Variants in PLEKHG5 observed in about 807,000 individuals in gnomAD.
PLEKHG5 encodes pleckstrin homology and RhoGEF domain containing G5, also known as pleckstrin homology domain-containing family G member 5.
PLEKHG5 carries 52 observed loss-of-function variants against 103.8 expected under a neutral mutation model. That is an observed-to-expected ratio of 0.50 (90% CI 0.40 to 0.63). The LOEUF (loss-of-function observed/expected upper bound fraction) is 0.63, where lower values mean the gene tolerates loss of function less well. Ranked by LOEUF, PLEKHG5 falls within the 30% of genes least tolerant of loss-of-function variation. The pLI is 0.00. For synonymous variants in PLEKHG5, 592 were observed against 575.5 expected (o/e 1.03, Z -0.41); for missense variants, 1,205 against 1,347.6 (o/e 0.89, Z 1.66).
At chr1:6,508,589 C>T (rs939652955) in intron 1 of PLEKHG5, among the ~76,000 whole-genome samples, 5 of 152,228 alleles carry the variant, frequency 3.3e-5, no homozygotes, top group Admixed American at 2.0e-4. Context: ...GTAGACACAC[C>T]TGGGCCTTTT....
upstream of PLEKHG5, chr1:6,497,439 G>A (rs1289885018): frequency 1.4e-6 from 1 of 700,402 alleles, no homozygotes; most frequent in Non-Finnish European, 1.8e-6. This position sits in a 1 kb window ranked among gnomAD's most constrained non-coding sequence, Gnocchi z 6.1. Flanking sequence ...GGCGGGCGGG[G>A]CAGGTGGGCG....
At chr1:6,471,829 G>A (rs1351410801) in intron 10 of PLEKHG5, 21 bp from the exon 11 acceptor site, 1 of 1,596,708 alleles carries the variant, frequency 6.3e-7, no homozygotes, top group South Asian at 1.1e-5. Context: ...AGGGGATGGT[G>A]TGACTGGGGT....
chr1:6,481,236 T>A (rs1644888552), intron 1 of PLEKHG5, among the ~76,000 whole-genome samples: 2 of 152,056 alleles, frequency 1.3e-5, no homozygotes, highest in African/African-American at 4.8e-5. Flanking sequence ...TCACTCTGAA[T>A]AAAAGCCAAA....
chr1:6,500,303 C>A (rs4908898), upstream of PLEKHG5, among the ~76,000 whole-genome samples: 28,153 of 152,004 alleles, frequency 0.19, 4,168 homozygotes, highest in African/African-American at 0.4. Flanking sequence ...GGGAGCAGCC[C>A]CTCAGTGGAA....
chr1:6,472,813 A>G (rs1404335522), intron 9 of PLEKHG5, among the ~76,000 whole-genome samples, 173 bp downstream of exon 9: 1 of 152,220 alleles, frequency 6.6e-6, no homozygotes, highest in Non-Finnish European at 1.5e-5. Context: ...CTCCTCTGCC[A>G]TTAAAACAGC....
At chr1:6,496,211 G>GT (rs563665700), upstream of PLEKHG5, among the ~76,000 whole-genome samples, 109 of 152,374 alleles carry the variant, frequency 7.2e-4, 1 homozygote, top group South Asian at 0.022. Context: ...TACAGCTCCT[G>GT]TCACCTCAGA....
chr1:6,508,187 G>GGGA (rs376195213), intron 1 of PLEKHG5, among the ~76,000 whole-genome samples: 1 of 151,652 alleles, frequency 6.6e-6, no homozygotes, highest in Non-Finnish European at 1.5e-5. Context: ...GTCACCTGGG[G>GGGA]CCCCACTCCC....
chr1:6,496,558 G>A, upstream of PLEKHG5: 1 of 1,576,646 alleles, frequency 6.3e-7, no homozygotes, highest in Non-Finnish European at 8.6e-7. Flanking sequence ...TTTTCAGCGG[G>A]GCTCTGGTCG....
intron 1 of PLEKHG5, among the ~76,000 whole-genome samples, chr1:6,516,866 G>GTGTGTA (rs1288870331): frequency 3.2e-3 from 84 of 25,858 alleles, no homozygotes; most frequent in East Asian, 0.013. Flanking sequence ...GTATATATGT[G>GTGTGTA]TATATATATA....
intron 9 of PLEKHG5, 58 bp from the exon 10 acceptor site, chr1:6,472,680 G>T: frequency 7.9e-7 from 1 of 1,272,786 alleles, no homozygotes; most frequent in Non-Finnish European, 1.1e-6. Context: ...GGGTGGCCGG[G>T]GAGGATAAGC....
chr1:6,494,995 A>G (rs1249912748), upstream of PLEKHG5, among the ~76,000 whole-genome samples: 5 of 152,202 alleles, frequency 3.3e-5, no homozygotes, highest in Admixed American at 3.3e-4. Flanking sequence ...CCTCACCTCT[A>G]TGAAGGCTGG....
chr1:6,474,279 C>T, intron 6 of PLEKHG5, 115 bp from the exon 7 acceptor site: 2 of 1,371,382 alleles, frequency 1.5e-6, no homozygotes, highest in Non-Finnish European at 2.0e-6. Context: ...CCCCCGACAG[C>T]CCCGCCCTGC....
At chr1:6,498,492 C>T (rs1261705250), upstream of PLEKHG5, among the ~76,000 whole-genome samples, 3 of 152,254 alleles carry the variant, frequency 2.0e-5, no homozygotes, top group African/African-American at 7.2e-5. Flanking sequence ...ACTAAAGATC[C>T]TCTGAGGATC....
At position 6,491,055 on chromosome 1, in the gene PLEKHG5, G is replaced by A. The variant is rs1386300776; in HGVS notation, c.-88+582C>T. Among the ~76,000 whole-genome samples, 2 of 152,082 alleles carry A rather than the reference G, an allele frequency of 1.3e-5. No homozygotes were observed. Among genetic ancestry groups the A allele is most frequent in the African/African-American group, 2.4e-5 (1 of 41,422 alleles). On this transcript the variant is annotated intron_variant, in intron 1 of 20. Coordinates refer to ENST00000377728, the MANE Select transcript of PLEKHG5 (RefSeq NM_020631.6). This position sits in a 1 kb window ranked among gnomAD's most constrained non-coding sequence, Gnocchi z 4.1. ...CTGGATTCTGATCTGCGGCCTCCGC[G>A]GTGCCCCAGAAACAGCCCGCTTTTC...
At chr1:6,500,830 C>T (rs1645288857), upstream of PLEKHG5, among the ~76,000 whole-genome samples, 2 of 152,194 alleles carry the variant, frequency 1.3e-5, no homozygotes, top group African/African-American at 4.8e-5. Flanking sequence ...GCTCCCCCAC[C>T]TCCCGTCGCA....
intron 1 of PLEKHG5, among the ~76,000 whole-genome samples, chr1:6,516,252 T>C (rs1638607312): frequency 6.6e-6 from 1 of 151,864 alleles, no homozygotes; most frequent in Non-Finnish European, 1.5e-5. Context: ...AGCAAGACCT[T>C]GTCTCAAAAG....
rs759430357 is a variant in PLEKHG5 at position 6,469,119 on chromosome 1, G to A, written c.2172C>T (p.Gly724=). The A allele has an allele frequency of 1.4e-5, 22 of 1,609,772 alleles. No individual in the cohort carries two copies. Among genetic ancestry groups the A allele is most frequent in the African/African-American group, 1.1e-4 (8 of 72,220 alleles). Residue 724 remains glycine, a synonymous_variant, in exon 19 of 21, where the codon GGC becomes GGT. Transcript: ENST00000377728. ...EEEEEEEEEE[G]EDSGTSAASS... The stretch of plus-strand genomic sequence containing the variant: ...TGGCAGCTGAAGTGCCACTGTCCTC[G>A]CCTTCCTCCTCCTCCTCCTCCTCCT...
At chr1:6,497,300 G>T, upstream of PLEKHG5, 1 of 1,072,462 alleles carries the variant, frequency 9.3e-7, no homozygotes, top group Non-Finnish European at 1.3e-6. The surrounding 1 kb of genome is among the most constrained non-coding windows in gnomAD (Gnocchi z 6.1). Context: ...CGCGTCCGCC[G>T]GGTCCCCGCC....
intron 1 of PLEKHG5, among the ~76,000 whole-genome samples, chr1:6,489,615 G>C (rs1334359004): frequency 6.6e-6 from 1 of 152,214 alleles, no homozygotes; most frequent in Non-Finnish European, 1.5e-5. Context: ...TGTCTTCGGA[G>C]CACCTGGACT....
Sources: gnomAD v4.1 joint callset for allele counts (sites outside exome capture counted in the v4.1 genomes callset) on GRCh38, gnomAD v4.1.1 for gene constraint, Gnocchi (gnomAD v3.1) non-coding constraint, MANE v1.5 for transcripts, NCBI Gene and HGNC (gene_info 2026-07-23, HGNC 2026-07-21) for gene names.